The following COL14A1 variants were observed in gnomAD, a reference collection of about 807,000 sequenced individuals.
COL14A1 encodes collagen type XIV alpha 1 chain, also known as collagen alpha-1(XIV) chain.
Under a neutral mutation model 230.3 loss-of-function variants are expected in COL14A1, and 136 were observed. The observed-to-expected ratio is 0.59, with a 90% confidence interval of 0.51 to 0.68. COL14A1 has a LOEUF of 0.68. Among genes scored for constraint, COL14A1 ranks in the 30% least tolerant of loss-of-function variants. The pLI is 0.00. For missense variants in COL14A1, 1,976 were observed against 2,215.8 expected, an observed-to-expected ratio of 0.89 and a Z score of 2.17; for synonymous variants, 792 against 784.1, an observed-to-expected ratio of 1.01 and a Z score of -0.17.
intron 45 of COL14A1, among the ~76,000 whole-genome samples, chr8:120,350,688 T>C (rs1253097478): frequency 1.4e-5 from 2 of 145,770 alleles, no homozygotes; most frequent in Non-Finnish European, 3.0e-5. Flanking sequence ...AAGAGCTAAC[T>C]ATCCTAAATA....
At chr8:120,219,857 G>C (rs1274319860) in intron 14 of COL14A1, among the ~76,000 whole-genome samples, 2 of 152,108 alleles carry the variant, frequency 1.3e-5, no homozygotes, top group African/African-American at 4.8e-5. Context: ...AAATTAGAAA[G>C]CTATGTTTGG....
At chr8:120,165,702 ACTG>A (rs1428262575) in intron 4 of COL14A1, among the ~76,000 whole-genome samples, 1 of 152,166 alleles carries the variant, frequency 6.6e-6, no homozygotes, top group Non-Finnish European at 1.5e-5. Flanking sequence ...TTATTTATAG[ACTG>A]CTTTTATAGC....
chr8:120,177,508 G>T (rs1158545074), intron 5 of COL14A1, among the ~76,000 whole-genome samples: 1 of 151,768 alleles, frequency 6.6e-6, no homozygotes, highest in East Asian at 1.9e-4. Context: ...AATTAGCCGG[G>T]AGTGGTGGCG....
intron 3 of COL14A1, among the ~76,000 whole-genome samples, chr8:120,161,779 G>A (rs1223031744): frequency 1.3e-5 from 2 of 151,966 alleles, no homozygotes; most frequent in African/African-American, 2.4e-5. Flanking sequence ...TTGTCCTGCC[G>A]CAGCCTCCTG....
In COL14A1 at chr8:120,152,431, C is replaced by T. The variant is rs1010489100; in HGVS notation, c.88+4501C>T. Among the ~76,000 whole-genome samples, 26 of 135,070 alleles carry T rather than the reference C, an allele frequency of 1.9e-4. 1 individual carries two copies. Among genetic ancestry groups the T allele is most frequent in the Admixed American group, 1.8e-3 (22 of 12,140 alleles). 88.6% of individuals were successfully genotyped at this position (135,070 alleles called of 152,430 possible). On this transcript the variant is annotated intron_variant, in intron 2 of 47. Coordinates refer to ENST00000297848, the MANE Select transcript of COL14A1 (RefSeq NM_021110.4). ...CTTGCAGTGAGCCGAGATCGCACCA[C>T]TGCACTCCAGCTTGGGCGACACAGC...
rs779602139 is a variant in COL14A1, at chr8:120,289,608, C to A, written c.4078C>A (p.Leu1360Ile). 7 of 1,613,174 alleles carry A rather than the reference C, an allele frequency of 4.3e-6. No individual in the cohort carries two copies. In the African/African-American group the frequency reaches 9.3e-5, roughly 22 times the overall value. Residue 1360 changes from leucine (L) to isoleucine (I), a missense_variant and splice_region_variant, in exon 34 of 48, where the codon CTA becomes ATA. Leu to Ile is a conservative substitution (Grantham distance 5). Coordinates refer to ENST00000297848, the MANE Select transcript of COL14A1 (RefSeq NM_021110.4). Reference sequence around the variant, plus strand: ...CCTAAAACATCTTACTTTTACCTAGCTACACATTGTTGTCAGTGAGACTTT... The same window carrying A: ...CCTAAAACATCTTACTTTTACCTAGATACACATTGTTGTCAGTGAGACTTT... ...RKIFYGSFHK[L>I]HIVVSETLVK...
intron 36 of COL14A1, among the ~76,000 whole-genome samples, chr8:120,305,021 CG>C (rs1820816774): frequency 1.3e-5 from 2 of 151,516 alleles, no homozygotes; most frequent in Non-Finnish European, 2.9e-5. Context: ...TCTTGTTGCC[CG>C]GGCTGGAGTG....
Position 120,268,284 on chromosome 8 carries a change from C to T in COL14A1, c.3073+1401C>T, listed in dbSNP as rs1012849392. Among the ~76,000 whole-genome samples, 117 of 151,832 alleles carry T rather than the reference C, an allele frequency of 7.7e-4. 1 individual carries two copies. Among genetic ancestry groups the T allele is most frequent in the African/African-American group, 2.7e-3 (113 of 41,508 alleles). ...TTCTTCTTCCAGCTTCATATCTAGC[C>T]TTCTTTAGTCTCAACATCTGTGGTT... On this transcript the variant is annotated intron_variant, in intron 25 of 47. Transcript: ENST00000297848.
intron 34 of COL14A1, among the ~76,000 whole-genome samples, chr8:120,297,010 GT>G (rs1372245879): frequency 6.6e-6 from 1 of 152,024 alleles, no homozygotes; most frequent in Admixed American, 6.6e-5. Flanking sequence ...TGAAGAAAAA[GT>G]TACTGAGTGT....
rs574339613 is a variant in COL14A1, at chr8:120,250,854, C to T, written c.2752+88C>T. The T allele has an allele frequency of 4.6e-4, 665 of 1,447,036 alleles. 1 individual carries two copies. Among genetic ancestry groups the T allele is most frequent in the Non-Finnish European group, 5.7e-4 (612 of 1,066,766 alleles). The allele number at this position is 1,447,036 out of a possible 1,614,324, so 89.6% of individuals were successfully genotyped here. A position where few individuals can be genotyped will look rare whatever the true frequency, so the allele number is the denominator to read the frequency against. On this transcript the variant is annotated intron_variant, in intron 22 of 47. Coordinates refer to ENST00000297848, the MANE Select transcript of COL14A1 (RefSeq NM_021110.4). ...ATGGAGTCTCGCTCTGTCGCTCAGGCTGGAGTGCGCTGGTGCGATCTGGAC... is the reference window on the plus strand; with the variant it reads ...ATGGAGTCTCGCTCTGTCGCTCAGGTTGGAGTGCGCTGGTGCGATCTGGAC...
At chr8:120,236,279 C>T (rs147478089) in intron 19 of COL14A1, among the ~76,000 whole-genome samples, 2,543 of 152,246 alleles carry the variant, frequency 0.017, 79 homozygotes, top group African/African-American at 0.058. Context: ...TAAGAATTTG[C>T]TTTATGAATC....
intron 5 of COL14A1, among the ~76,000 whole-genome samples, chr8:120,180,325 C>T (rs1335014883): frequency 6.6e-6 from 1 of 152,200 alleles, no homozygotes; most frequent in African/African-American, 2.4e-5. Context: ...ATACTGTTTT[C>T]TTTCTCAGAG....
intron 40 of COL14A1, among the ~76,000 whole-genome samples, chr8:120,321,040 A>G (rs970705371): frequency 1.3e-5 from 2 of 152,136 alleles, no homozygotes; most frequent in Admixed American, 1.3e-4. Flanking sequence ...CCTACACTTC[A>G]CTCTTTCTTT....
intron 44 of COL14A1, 137 bp downstream of exon 44, chr8:120,342,583 AC>A: frequency 1.3e-6 from 1 of 757,868 alleles, no homozygotes; most frequent in Non-Finnish European, 2.2e-6. Flanking sequence ...TTTACAGATG[AC>A]CATCACTGAC....
intron 13 of COL14A1, among the ~76,000 whole-genome samples, chr8:120,215,581 A>G (rs1473246239): frequency 6.6e-6 from 1 of 152,120 alleles, no homozygotes; most frequent in Non-Finnish European, 1.5e-5. Context: ...GCTGAGGAAT[A>G]ATTATATTAA....
chr8:120,323,774 A>T (rs777215573), intron 40 of COL14A1, among the ~76,000 whole-genome samples: 1 of 152,012 alleles, frequency 6.6e-6, no homozygotes, highest in African/African-American at 2.4e-5. Context: ...CCATTGGTCT[A>T]TGTGTCTGTT....
At chr8:120,128,913 T>C (rs1814438355) in intron 1 of COL14A1, among the ~76,000 whole-genome samples, 1 of 152,126 alleles carries the variant, frequency 6.6e-6, no homozygotes, top group African/African-American at 2.4e-5. Context: ...TCCATTGCAA[T>C]GTCTTAGGGT....
intron 40 of COL14A1, among the ~76,000 whole-genome samples, chr8:120,319,804 C>T (rs1003173723): frequency 6.6e-6 from 1 of 151,650 alleles, no homozygotes; most frequent in Non-Finnish European, 1.5e-5. Flanking sequence ...CAGCCTCTTG[C>T]TAGGCAGCCA....
intron 16 of COL14A1, 58 bp from the exon 17 acceptor site, chr8:120,227,162 T>A (rs571982607): frequency 1.3e-6 from 2 of 1,588,920 alleles, no homozygotes; most frequent in Non-Finnish European, 1.7e-6. Context: ...AGAATAACAC[T>A]TTTTCTTTAC....
Sources: allele counts gnomAD v4.1 joint callset (sites outside exome capture counted in the v4.1 genomes callset), GRCh38; gene constraint gnomAD v4.1.1; transcripts MANE v1.5; gene names NCBI Gene and HGNC (gene_info 2026-07-23, HGNC 2026-07-21).